BPTF: variants seen among roughly 807,000 people sequenced by gnomAD.
BPTF encodes the protein bromodomain PHD finger transcription factor, also known as nucleosome-remodeling factor subunit BPTF.
In BPTF, 18 loss-of-function variants were observed where a neutral mutation model predicts 292.5. The observed-to-expected ratio is 0.06, with a 90% CI of 0.04 to 0.09. BPTF has a LOEUF of 0.09. BPTF is among the 10% of genes least tolerant of loss of function. The pLI is 1.00. For missense variants in BPTF, 2,726 were observed against 3,498.7 expected (o/e 0.78, Z 5.57); for synonymous variants, 1,225 against 1,251.9 (o/e 0.98, Z 0.45).
At position 67,909,718 on chromosome 17, in the gene BPTF, A is replaced by G. The variant is rs760297149; in HGVS notation, c.2949A>G (p.Gln983=). The change falls in exon 10 of 28, where the codon CAA becomes CAG. Residue 983 remains glutamine, a synonymous_variant. Coordinates refer to ENST00000306378, the MANE Select transcript of BPTF (RefSeq NM_182641.4). ...KGSDAAKGAD[Q]NEMDISKITE... Reference sequence around the variant, plus strand: ...CAGATGCTGCAAAAGGAGCAGACCAAAATGAAATGGATATCTCAAAGATTA... The same window carrying G: ...CAGATGCTGCAAAAGGAGCAGACCAGAATGAAATGGATATCTCAAAGATTA... 3.1e-6 allele frequency: 5 copies of G among 1,589,946 alleles called. No homozygotes were observed. The African/African-American group carries it at 6.8e-5, about 22-fold the overall frequency.
At chr17:67,962,979 C>A (rs2067663112) in intron 24 of BPTF, among the ~76,000 whole-genome samples, 1 of 152,142 alleles carries the variant, frequency 6.6e-6, no homozygotes, top group Non-Finnish European at 1.5e-5. Flanking sequence ...GTCTTTGATT[C>A]TTTGGCTTTG....
At chr17:67,963,555 G>T (rs530283796) in intron 24 of BPTF, 1 of 1,338,612 alleles carries the variant, frequency 7.5e-7, no homozygotes, top group Non-Finnish European at 9.6e-7. Context: ...AAGCCAAATT[G>T]CTCTGACTGG....
chr17:67,922,841 A>T lies in BPTF; in HGVS notation c.5559A>T (p.Glu1853Asp). The change falls in exon 14 of 28, where the codon GAA becomes GAT. Residue 1853 changes from glutamate to aspartate, a missense_variant and splice_region_variant. Physicochemically the swap from Glu to Asp is conservative, Grantham distance 45 (BLOSUM62 2). Coordinates refer to ENST00000306378, the MANE Select transcript of BPTF (RefSeq NM_182641.4). ...CPIGVPETPK[E>D]TPTPQRKGLR... is the part of the protein sequence containing the mutation. ...AATATTCTGATTTCCTTTCCAAAGA[A>T]ACGCCTACACCTCAGAGGAAAGGCC... 6.3e-7 allele frequency: 1 copy of T among 1,585,434 alleles called. No homozygotes were observed. The highest frequency in any genetic ancestry group is 2.2e-5 in the East Asian group (1 of 44,586).
At chr17:67,894,631 A>G (rs1422434017) in intron 7 of BPTF, among the ~76,000 whole-genome samples, 2 of 152,182 alleles carry the variant, frequency 1.3e-5, no homozygotes, top group African/African-American at 4.8e-5. Context: ...CCCACCATGA[A>G]TATTAGTTCT....
chr17:67,906,025 C>T (rs1242505075), intron 9 of BPTF, among the ~76,000 whole-genome samples: 1 of 151,902 alleles, frequency 6.6e-6, no homozygotes, highest in Non-Finnish European at 1.5e-5. Context: ...GTTGTGCGCA[C>T]GTACCCTAGA....
At chr17:67,928,792 A>G (rs1351663701) in intron 16 of BPTF, among the ~76,000 whole-genome samples, 191 bp downstream of exon 16, 1 of 152,214 alleles carries the variant, frequency 6.6e-6, no homozygotes, top group Non-Finnish European at 1.5e-5. Flanking sequence ...CCTCTCTTAC[A>G]TTATTTCACT....
intron 19 of BPTF, among the ~76,000 whole-genome samples, chr17:67,942,993 G>A (rs2065504068): frequency 6.6e-6 from 1 of 151,690 alleles, no homozygotes; most frequent in African/African-American, 2.4e-5. Context: ...TGTATTCTTT[G>A]TGAATATTGC....
intron 7 of BPTF, among the ~76,000 whole-genome samples, chr17:67,897,850 A>G (rs2061553550): frequency 6.6e-6 from 1 of 152,198 alleles, no homozygotes; most frequent in African/African-American, 2.4e-5. Context: ...CTGTTAGGAA[A>G]CTTGATAAAT....
intron 7 of BPTF, among the ~76,000 whole-genome samples, chr17:67,897,129 C>T (rs1222100880): frequency 3.3e-5 from 5 of 151,148 alleles, no homozygotes; most frequent in African/African-American, 4.9e-5. Context: ...GAATTCGAGA[C>T]CAGCCTGACG....
At chr17:67,878,047 G>A (rs2060153354) in intron 4 of BPTF, among the ~76,000 whole-genome samples, 1 of 152,126 alleles carries the variant, frequency 6.6e-6, no homozygotes. Flanking sequence ...CCCCCTTTTA[G>A]CTACCACTAC....
chr17:67,868,676 A>G (rs1202677007), intron 3 of BPTF, among the ~76,000 whole-genome samples: 1 of 152,198 alleles, frequency 6.6e-6, no homozygotes, highest in African/African-American at 2.4e-5. Context: ...TGCATACATT[A>G]TCTGCTATAC....
intron 1 of BPTF, among the ~76,000 whole-genome samples, chr17:67,849,644 A>G (rs1310819456): frequency 3.9e-5 from 6 of 152,182 alleles, no homozygotes; most frequent in Middle Eastern, 3.4e-3. Flanking sequence ...ATTGTTAGAA[A>G]TGCAAGTTCT....
In BPTF at chr17:67,900,890, T is replaced by C. The variant is rs570480242; in HGVS notation, c.2544-2899T>C. On this transcript the variant is annotated intron_variant, in intron 7 of 27. Coordinates refer to ENST00000306378, the MANE Select transcript of BPTF (RefSeq NM_182641.4). The stretch of plus-strand genomic sequence containing the variant: ...CAGGCATGGTCTTGCTTGCCTGTAA[T>C]GCCAGCTGCTTGGGAGACTGAGCCT... Among the ~76,000 whole-genome samples, 463 of 151,734 alleles carry C rather than the reference T, an allele frequency of 3.1e-3. 2 individuals are homozygous for C. Among genetic ancestry groups the C allele is most frequent in the South Asian group, 0.014 (65 of 4,790 alleles).
At chr17:67,888,794 T>G (rs553208647) in intron 4 of BPTF, among the ~76,000 whole-genome samples, 1 of 152,096 alleles carries the variant, frequency 6.6e-6, no homozygotes, top group Non-Finnish European at 1.5e-5. Context: ...ATAAGAAGAT[T>G]CCCCTTCTGG....
chr17:67,828,638 C>G (rs1399054408), intron 1 of BPTF, among the ~76,000 whole-genome samples: 2 of 152,202 alleles, frequency 1.3e-5, no homozygotes, highest in African/African-American at 2.4e-5. Flanking sequence ...AAGCAATTCT[C>G]CTGCCTCAGC....
At position 67,931,946 on chromosome 17, in the gene BPTF, C is replaced by T. The variant is rs751352098; in HGVS notation, c.6186C>T (p.Thr2062=). 3.7e-6 allele frequency: 6 copies of T among 1,613,724 alleles called. No homozygotes were observed. Among genetic ancestry groups the T allele is most frequent in the South Asian group, 1.1e-5 (1 of 91,002 alleles). ...GGCCTCAGATTCGCCCTGGTATGAC[C>T]GTGATTAGAACACCACTCCAACAGT... ...ITGPQIRPGM[T]VIRTPLQQST... is the part of the protein sequence containing the mutation. Residue 2062 remains threonine, a synonymous_variant, in exon 18 of 28, where the codon ACC becomes ACT. Coordinates refer to ENST00000306378, the MANE Select transcript of BPTF (RefSeq NM_182641.4).
intron 7 of BPTF, among the ~76,000 whole-genome samples, chr17:67,896,471 C>T (rs5024718): frequency 0.63 from 89,012 of 140,848 alleles, 29,242 homozygotes; most frequent in Non-Finnish European, 0.76. Context: ...TAGAAACTGT[C>T]CCCCCAGTGC....
At chr17:67,938,405 AAATG>A in intron 18 of BPTF, among the ~76,000 whole-genome samples, 1 of 152,368 alleles carries the variant, frequency 6.6e-6, no homozygotes, top group East Asian at 1.9e-4. Flanking sequence ...CATCTTGAGT[AAATG>A]AATGAGAGTA....
At position 67,888,374 on chromosome 17, in the gene BPTF, G is replaced by A. The variant is rs376565339; in HGVS notation, c.1865-3470G>A. Among the ~76,000 whole-genome samples the A allele has an allele frequency of 2.0e-5, 3 of 151,918 alleles. No homozygotes were observed. In the East Asian group the frequency reaches 5.8e-4, roughly 29 times the overall value. On this transcript the variant is annotated intron_variant, in intron 4 of 27. Transcript: ENST00000306378. ...GAGGCCAAGGCGGGCGGATCACGAGGTCAGGAGTTCGAGACCAGTCTGGCC... is the reference window on the plus strand; with the variant it reads ...GAGGCCAAGGCGGGCGGATCACGAGATCAGGAGTTCGAGACCAGTCTGGCC...
Sources: gnomAD v4.1 joint callset for allele counts (sites outside exome capture counted in the v4.1 genomes callset) on GRCh38, gnomAD v4.1.1 for gene constraint, MANE v1.5 for transcripts, NCBI Gene and HGNC (gene_info 2026-07-23, HGNC 2026-07-21) for gene names.